Variants in MYO3B observed in about 807,000 individuals in gnomAD.
The protein encoded by MYO3B is myosin-IIIb.
A neutral mutation model predicts 174.6 loss-of-function variants in MYO3B; 156 were observed. That is an observed-to-expected ratio of 0.89 (90% CI 0.78 to 1.02). The LOEUF (loss-of-function observed/expected upper bound fraction) is 1.02. Ranked by LOEUF, MYO3B falls within the 50% of genes least tolerant of loss-of-function variation. MYO3B has a pLI of 0.00. For synonymous variants in MYO3B, 563 were observed against 569.1 expected (o/e 0.99, Z 0.15); for missense variants, 1,632 against 1,639.4 (o/e 1.00, Z 0.08).
intron 32 of MYO3B, among the ~76,000 whole-genome samples, chr2:170,634,535 A>C (rs530689838): frequency 6.6e-6 from 1 of 152,216 alleles, no homozygotes; most frequent in East Asian, 1.9e-4. Context: ...AACCTAGGCA[A>C]TACCATTCAG....
chr2:170,322,252 C>A (rs1425547006), intron 7 of MYO3B, among the ~76,000 whole-genome samples: 1 of 152,106 alleles, frequency 6.6e-6, no homozygotes, highest in South Asian at 2.1e-4. Flanking sequence ...ATCTATTAGT[C>A]TCCAGTATCC....
chr2:170,570,484 G>A (rs1464383787), intron 32 of MYO3B, among the ~76,000 whole-genome samples: 2 of 152,144 alleles, frequency 1.3e-5, no homozygotes, highest in African/African-American at 4.8e-5. Flanking sequence ...TATAAAGGTT[G>A]GGTGCATTGG....
At chr2:170,278,764 A>G (rs961250762) in intron 7 of MYO3B, among the ~76,000 whole-genome samples, 6 of 151,068 alleles carry the variant, frequency 4.0e-5, no homozygotes, top group African/African-American at 1.5e-4. Context: ...TATCCCCCTA[A>G]CCCCCGCCAC....
chr2:170,618,461 G>A (rs1391286228), intron 32 of MYO3B, among the ~76,000 whole-genome samples: 1 of 152,112 alleles, frequency 6.6e-6, no homozygotes, highest in Non-Finnish European at 1.5e-5. Context: ...TCTTTTTGAT[G>A]ATTGGATGTG....
In MYO3B at chr2:170,616,260, C is replaced by T. The variant is rs1017158037; in HGVS notation, c.3734-35368C>T. Among the ~76,000 whole-genome samples, 26 of 152,164 alleles carry T rather than the reference C, an allele frequency of 1.7e-4. No individual in the cohort carries two copies. In the East Asian group the frequency reaches 2.1e-3, roughly 12 times the overall value. On this transcript the variant is annotated intron_variant, in intron 32 of 34. Coordinates refer to ENST00000408978, the MANE Select transcript of MYO3B (RefSeq NM_138995.5). ...CGTTTATAGCCCTATCTTATCCATA[C>T]GGACAGCCACCTCCCCATGCATCCG...
chr2:170,328,241 A>G (rs114204754), intron 7 of MYO3B, among the ~76,000 whole-genome samples: 1 of 152,264 alleles, frequency 6.6e-6, no homozygotes, highest in Non-Finnish European at 1.5e-5. Flanking sequence ...TGTGTCACGT[A>G]TGCTGAGGTT....
intron 12 of MYO3B, among the ~76,000 whole-genome samples, chr2:170,384,123 A>G (rs17497580): frequency 0.26 from 39,858 of 152,192 alleles, 5,700 homozygotes; most frequent in Non-Finnish European, 0.33. Flanking sequence ...ACCTGATTAC[A>G]TGGCAGTGAT....
chr2:170,244,176 T>A (rs2093165921), intron 7 of MYO3B, among the ~76,000 whole-genome samples: 1 of 152,220 alleles, frequency 6.6e-6, no homozygotes, highest in South Asian at 2.1e-4. Context: ...TGGTCTTGGC[T>A]GCCTCCTTCT....
chr2:170,243,271 T>G (rs1297230167), intron 7 of MYO3B, among the ~76,000 whole-genome samples: 1 of 152,236 alleles, frequency 6.6e-6, no homozygotes. Context: ...CAGCTGAGAA[T>G]GTGGCTGTGT....
intron 16 of MYO3B, among the ~76,000 whole-genome samples, chr2:170,397,353 C>A (rs745603135): frequency 2.0e-5 from 3 of 152,118 alleles, no homozygotes; most frequent in Non-Finnish European, 2.9e-5. Flanking sequence ...TATCAATGGT[C>A]CAGTGACCGT....
At chr2:170,343,745 G>A (rs1026122109) in intron 8 of MYO3B, 3 of 152,220 alleles carry the variant, frequency 2.0e-5, no homozygotes, top group Non-Finnish European at 2.9e-5. Context: ...GAGATTAAGA[G>A]CGTAGGGTCT....
intron 7 of MYO3B, among the ~76,000 whole-genome samples, chr2:170,256,448 T>C (rs2093305351): frequency 6.6e-6 from 1 of 152,152 alleles, no homozygotes; most frequent in Admixed American, 6.5e-5. Flanking sequence ...TCAACAGATA[T>C]CTTACAAGCC....
At chr2:170,424,862 C>T (rs1168270188) in intron 22 of MYO3B, among the ~76,000 whole-genome samples, 7 of 152,178 alleles carry the variant, frequency 4.6e-5, no homozygotes, top group African/African-American at 7.2e-5. Context: ...TTTGATTTTT[C>T]GAATGGTCAG....
chr2:170,599,432 G>C (rs1694361687), intron 32 of MYO3B, among the ~76,000 whole-genome samples: 1 of 152,174 alleles, frequency 6.6e-6, no homozygotes, highest in Non-Finnish European at 1.5e-5. Context: ...GCTGTTACAA[G>C]TATTTTCTTT....
intron 7 of MYO3B, among the ~76,000 whole-genome samples, chr2:170,300,113 A>C (rs552637700): frequency 6.6e-6 from 1 of 152,362 alleles, no homozygotes; most frequent in Admixed American, 6.5e-5. Context: ...GACATTAGAG[A>C]TGCTCAGTAT....
At chr2:170,452,196 T>TA (rs879449957) in intron 23 of MYO3B, among the ~76,000 whole-genome samples, 2,133 of 141,834 alleles carry the variant, frequency 0.015, 46 homozygotes, top group African/African-American at 0.048. Context: ...CCCCCAAAAG[T>TA]AAAAAAAAAA....
chr2:170,450,336 T>C (rs1197384601), intron 23 of MYO3B, among the ~76,000 whole-genome samples: 1 of 152,222 alleles, frequency 6.6e-6, no homozygotes, highest in African/African-American at 2.4e-5. Context: ...AGACATACTT[T>C]ATAATTTAAT....
rs1323800326 is a variant in MYO3B, at chr2:170,480,579, T to C, written c.3014+13868T>C. Reference sequence around the variant, plus strand: ...AGAGGGTGTCATGGGAACCCCAACTTGAAGCTGGTCAGTGAGAAGTTTCAA... The same window carrying C: ...AGAGGGTGTCATGGGAACCCCAACTCGAAGCTGGTCAGTGAGAAGTTTCAA... On this transcript the variant is annotated intron_variant, in intron 25 of 34. Coordinates refer to ENST00000408978, the MANE Select transcript of MYO3B (RefSeq NM_138995.5). Among the ~76,000 whole-genome samples, 68 of 152,206 alleles carry C rather than the reference T, an allele frequency of 4.5e-4. 1 individual carries two copies. The highest frequency in any genetic ancestry group is 1.5e-5 in the Non-Finnish European group (1 of 68,032).
rs772460608 is a variant in MYO3B at position 170,515,022 on chromosome 2, G to T, written c.3472G>T (p.Val1158Phe). ...CTGCAGCGAGCCTGGTGACCATAAA[G>T]GTAGAGTCTTTCGAGATTTAGAATG... is the stretch of plus-strand genomic sequence containing the variant. Reference protein sequence around the residue: ...QDCSEPGDHKVLRGSVHRRSH... With the variant: ...QDCSEPGDHKFLRGSVHRRSH... Residue 1158 changes from valine to phenylalanine, a missense_variant and splice_region_variant, in exon 29 of 35, where the codon GTT becomes TTT. Physicochemically the swap from Val to Phe is conservative, Grantham distance 50. Coordinates refer to ENST00000408978, the MANE Select transcript of MYO3B (RefSeq NM_138995.5). 5 of 1,613,168 alleles carry T rather than the reference G, an allele frequency of 3.1e-6. No individual in the cohort carries two copies. The highest frequency in any genetic ancestry group is 1.1e-5 in the South Asian group (1 of 90,816).
Sources: allele counts gnomAD v4.1 joint callset (sites outside exome capture counted in the v4.1 genomes callset), GRCh38; gene constraint gnomAD v4.1.1; transcripts MANE v1.5; gene names NCBI Gene and HGNC (gene_info 2026-07-23, HGNC 2026-07-21).